The following PLB1 variants were observed in gnomAD, a reference collection of about 807,000 sequenced individuals.
PLB1 encodes the protein phospholipase B1, membrane-associated.
In PLB1, 242 loss-of-function variants were observed where a neutral mutation model predicts 227.4. The observed-to-expected ratio is 1.06, with a 90% CI of 0.96 to 1.18. PLB1 has a LOEUF of 1.18. PLB1 is among the 50% of genes most tolerant of loss of function. The probability of loss-of-function intolerance (pLI) is 0.00; values close to 1 mark genes in which losing one functional copy is unlikely to be tolerated. For synonymous variants in PLB1, 757 were observed against 682.2 expected, an observed-to-expected ratio of 1.11 and a Z score of -1.71; for missense variants, 1,858 against 1,816.3, an observed-to-expected ratio of 1.02 and a Z score of -0.42.
chr2:28,566,938 C>T (rs950305242), intron 20 of PLB1, 99 bp downstream of exon 20: 1 of 1,376,658 alleles, frequency 7.3e-7, no homozygotes. Context: ...GGAGCCCCGG[C>T]TGCAGGAGCC....
At chr2:28,629,785 C>A (rs1688339307) in intron 53 of PLB1, among the ~76,000 whole-genome samples, 1 of 152,136 alleles carries the variant, frequency 6.6e-6, no homozygotes, top group Admixed American at 6.5e-5. Context: ...TGCTAATGGG[C>A]AAGACAAGAA....
chr2:28,497,465 G>A (rs1666587820), intron 1 of PLB1, among the ~76,000 whole-genome samples: 1 of 152,170 alleles, frequency 6.6e-6, no homozygotes, highest in Non-Finnish European at 1.5e-5. Context: ...GGAGGTTGTT[G>A]GTATCAGGGA....
In PLB1 at chr2:28,593,703, A is replaced by C. The variant is rs1331293663; in HGVS notation, c.2270A>C (p.Lys757Thr). The C allele has an allele frequency of 6.2e-7, 1 of 1,614,050 alleles. No individual in the cohort carries two copies. The highest frequency in any genetic ancestry group is 1.3e-5 in the African/African-American group (1 of 74,926). ...AAGGCTGGCAATGGAATTGGCTCCA[A>C]ACCAGACGACCTCCCCGATGTCACC... ...SLTAGNGIGS[K>T]PDDLPDVTTQ... Residue 757 changes from lysine to threonine, a missense_variant, in exon 33 of 58, where the codon AAA (lysine) becomes ACA (threonine). Physicochemically the swap from Lys to Thr is moderately conservative, Grantham distance 78. Transcript: ENST00000327757.
At chr2:28,603,011 A>C in intron 39 of PLB1, 90 bp downstream of exon 39, 1 of 1,157,244 alleles carries the variant, frequency 8.6e-7, no homozygotes, top group Non-Finnish European at 1.3e-6. Context: ...GGTCTTTGTG[A>C]CTTGGTCTAT....
intron 47 of PLB1, 124 bp from the exon 48 acceptor site, chr2:28,620,476 C>T: frequency 7.3e-7 from 1 of 1,378,158 alleles, no homozygotes; most frequent in Non-Finnish European, 9.9e-7. Flanking sequence ...TGCATTACCC[C>T]TGAGGGTGAT....
At chr2:28,496,635 T>C (rs1322274077) in intron 1 of PLB1, among the ~76,000 whole-genome samples, 6 of 152,242 alleles carry the variant, frequency 3.9e-5, no homozygotes, top group Non-Finnish European at 7.3e-5. Context: ...TGATAAATTC[T>C]AAAAGATTGC....
chr2:28,626,322 T>A, intron 50 of PLB1, 106 bp from the exon 51 acceptor site: 1 of 872,568 alleles, frequency 1.1e-6, no homozygotes. Flanking sequence ...TCTGTTACAG[T>A]ATAAATAAGA....
At chr2:28,593,588 T>C in intron 32 of PLB1, 93 bp from the exon 33 acceptor site, 10 of 1,067,118 alleles carry the variant, frequency 9.4e-6, no homozygotes, top group Non-Finnish European at 1.1e-5. Context: ...CACGAGTGCA[T>C]TGGGAACCCC....
chr2:28,643,349 G>T lies in PLB1; in HGVS notation c.*288G>T. ...TGGGAGCTGCCACTTTTTGTGGCCT[G>T]CCTCCAGCAGGGCTGCCCAAGCCAC... On this transcript the variant is annotated 3_prime_UTR_variant, in exon 58 of 58. Transcript: ENST00000327757. 3.6e-6 allele frequency: 1 copy of T among 278,520 alleles called. No individual in the cohort carries two copies. The highest frequency in any genetic ancestry group is 6.7e-6 in the Non-Finnish European group (1 of 149,170). 17.3% of individuals were successfully genotyped at this position (278,520 alleles called of 1,614,324 possible).
At chr2:28,519,625 T>C in intron 3 of PLB1, 80 bp from the exon 4 acceptor site, 1 of 1,058,446 alleles carries the variant, frequency 9.4e-7, no homozygotes, top group Admixed American at 1.9e-5. Flanking sequence ...AATGTGAGTC[T>C]CCTCTCCCAT....
chr2:28,585,335 G>A (rs1041168996), intron 25 of PLB1, among the ~76,000 whole-genome samples: 18 of 151,966 alleles, frequency 1.2e-4, no homozygotes, highest in Non-Finnish European at 2.4e-4. Context: ...GAGTGCAGTG[G>A]CACAATCTCG....
chr2:28,600,676 T>C (rs1277296586), intron 35 of PLB1, 133 bp from the exon 36 acceptor site: 2 of 780,650 alleles, frequency 2.6e-6, no homozygotes, highest in African/African-American at 3.5e-5. Flanking sequence ...TCACTCCTGG[T>C]TTCTGAGCCT....
At chr2:28,587,221 T>C (rs1431460751) in intron 26 of PLB1, among the ~76,000 whole-genome samples, 1 of 152,182 alleles carries the variant, frequency 6.6e-6, no homozygotes, top group Non-Finnish European at 1.5e-5. Flanking sequence ...TTTAAGCAGA[T>C]TTAATATTTA....
chr2:28,592,243 G>A (rs7559815), intron 31 of PLB1, among the ~76,000 whole-genome samples: 15,182 of 152,180 alleles, frequency 0.1, 849 homozygotes, highest in Middle Eastern at 0.2. Flanking sequence ...CGGGCTGCAC[G>A]TCAGGTCCTG....
In PLB1 at chr2:28,563,044, A is replaced by G. The variant is rs760975822; in HGVS notation, c.1151A>G (p.His384Arg). The G allele has an allele frequency of 6.2e-6, 10 of 1,613,328 alleles. No homozygotes were observed. Among genetic ancestry groups the G allele is most frequent in the South Asian group, 5.5e-5 (5 of 91,064 alleles). ...TCACTCCTGCTTATATTCTTAGTTC[A>G]TAGGCTGAAGCCGGCTGACATCAAC... ...DPSDTVPTSV[H>R]RLKPADINVI... Residue 384 changes from histidine (H) to arginine (R), a missense_variant, in exon 18 of 58, where the codon CAT becomes CGT. Coordinates refer to ENST00000327757, the MANE Select transcript of PLB1 (RefSeq NM_153021.5).
chr2:28,531,239 A>T (rs936044283), intron 8 of PLB1, among the ~76,000 whole-genome samples: 1 of 152,198 alleles, frequency 6.6e-6, no homozygotes, highest in Non-Finnish European at 1.5e-5. Context: ...TTTTCCTAGC[A>T]TATATATCTT....
intron 1 of PLB1, among the ~76,000 whole-genome samples, chr2:28,499,503 C>T (rs532120737): frequency 4.0e-5 from 6 of 151,366 alleles, no homozygotes; most frequent in South Asian, 2.1e-4. Context: ...CTTACTGTGC[C>T]GGCTGGTGCC....
At chr2:28,497,368 T>G (rs1040456218) in intron 1 of PLB1, among the ~76,000 whole-genome samples, 1 of 152,194 alleles carries the variant, frequency 6.6e-6, no homozygotes, top group Non-Finnish European at 1.5e-5. Context: ...GAGACATCAC[T>G]TATGTTTGGC....
intron 41 of PLB1, among the ~76,000 whole-genome samples, chr2:28,605,443 T>C (rs1272473934): frequency 6.6e-6 from 1 of 152,000 alleles, no homozygotes; most frequent in East Asian, 1.9e-4. Context: ...CAAGGCTTTG[T>C]TCCATTCTCC....
Sources: gnomAD v4.1 joint callset for allele counts (sites outside exome capture counted in the v4.1 genomes callset) on GRCh38, gnomAD v4.1.1 for gene constraint, MANE v1.5 for transcripts, NCBI Gene and HGNC (gene_info 2026-07-23, HGNC 2026-07-21) for gene names.